FRS3: variants seen among roughly 807,000 people sequenced by gnomAD.
FRS3 encodes the protein fibroblast growth factor receptor substrate 3.
In FRS3, 17 loss-of-function variants were observed where a neutral mutation model predicts 41.9. The observed-to-expected ratio is 0.41, with a 90% CI of 0.28 to 0.61. The LOEUF (loss-of-function observed/expected upper bound fraction) is 0.61, where lower values mean the gene tolerates loss of function less well. Ranked by LOEUF, FRS3 falls within the 20% of genes least tolerant of loss-of-function variation. The probability of loss-of-function intolerance (pLI) is 0.36; values close to 1 mark genes in which losing one functional copy is unlikely to be tolerated. For synonymous variants in FRS3, 287 were observed against 274.5 expected (o/e 1.05, Z -0.45); for missense variants, 619 against 672.1 (o/e 0.92, Z 0.87).
At chr6:41,771,788 G>T in intron 6 of FRS3, 28 bp downstream of exon 6, 1 of 1,547,054 alleles carries the variant, frequency 6.5e-7, no homozygotes. Flanking sequence ...AGACCAACAG[G>T]GCAGGGGCTG....
chr6:41,771,898 G>C lies in FRS3; in HGVS notation c.482C>G (p.Pro161Arg). The C allele has an allele frequency of 6.4e-7, 1 of 1,556,556 alleles. No individual in the cohort carries two copies. Among genetic ancestry groups the C allele is most frequent in the South Asian group, 1.2e-5 (1 of 84,352 alleles). ...CAGGCTGCTTGTCGAGAGCCGCCGG[G>C]GAGCTGAGAATCGTGGGCCCTCTCC... The part of the protein sequence containing the change: ...CPGEGPRFSA[P>R]RRLSTSSLRH... Residue 161 changes from proline (P) to arginine (R), a missense_variant, in exon 6 of 7, where the codon CCC becomes CGC. Physicochemically the swap from Pro to Arg is moderately radical, Grantham distance 103. Transcript: ENST00000373018.
intron 4 of FRS3, among the ~76,000 whole-genome samples, chr6:41,774,325 A>C (rs1772368150): frequency 1.3e-5 from 2 of 151,744 alleles, no homozygotes; most frequent in Admixed American, 6.6e-5. Context: ...AGGAAAAAAA[A>C]CTCCATCCAG....
At chr6:41,771,736 C>G in intron 6 of FRS3, 80 bp downstream of exon 6, 1 of 1,432,870 alleles carries the variant, frequency 7.0e-7, no homozygotes, top group Non-Finnish European at 9.5e-7. Context: ...GTGATCCTTA[C>G]TGGGAGGAGG....
chr6:41,777,710 G>C (rs1315750043), intron 2 of FRS3: 1 of 152,068 alleles, frequency 6.6e-6, no homozygotes, highest in African/African-American at 2.4e-5. Context: ...TTCTGAAGGG[G>C]AGACCAGAGG....
At chr6:41,771,590 A>G in intron 6 of FRS3, 57 bp from the exon 7 acceptor site, 1 of 1,376,772 alleles carries the variant, frequency 7.3e-7, no homozygotes, top group Admixed American at 2.2e-5. Context: ...AAAAGAGAAC[A>G]GAAGGGACAG....
At chr6:41,776,220 A>G (rs1772406934) in intron 3 of FRS3, among the ~76,000 whole-genome samples, 1 of 152,070 alleles carries the variant, frequency 6.6e-6, no homozygotes, top group Non-Finnish European at 1.5e-5. Context: ...AACAGCAAAC[A>G]CTGATGTTGT....
chr6:41,772,155 C>T (rs1366284335), intron 5 of FRS3, among the ~76,000 whole-genome samples, 191 bp from the exon 6 acceptor site: 1 of 152,202 alleles, frequency 6.6e-6, no homozygotes, highest in Non-Finnish European at 1.5e-5. Context: ...TCAAACCCTG[C>T]CCTTTCCCTC....
rs1276655445 is a variant in FRS3 at position 41,770,968 on chromosome 6, C to T, written c.1130G>A (p.Arg377Gln). The T allele has an allele frequency of 9.9e-6, 16 of 1,612,840 alleles. No homozygotes were observed. The highest frequency in any genetic ancestry group is 5.3e-5 in the African/African-American group (4 of 74,914). The change falls in exon 7 of 7, where the codon CGG becomes CAG. Residue 377 changes from arginine (R) to glutamine (Q), a missense_variant. Arg to Gln is a conservative substitution (Grantham distance 43, BLOSUM62 1). Around this residue, in one of 3 missense-constraint regions of FRS3, gnomAD observed 487 missense variants for 478.3 expected, o/e 1.02. Transcript: ENST00000373018. ...GCTGCCGTGGCTGCGGATGGCGGCC[C>T]GGGTGCTGGTGGGCTTCTGCAGTGG... is the stretch of plus-strand genomic sequence containing the variant. ...ETPLQKPTST[R>Q]AAIRSHGSFP...
At position 41,771,208 on chromosome 6, in the gene FRS3, C is replaced by T; in HGVS notation, c.890G>A (p.Gly297Glu). Residue 297 changes from glycine to glutamate, a missense_variant, in exon 7 of 7, where the codon GGG becomes GAG. Around this residue, in one of 3 missense-constraint regions of FRS3, gnomAD observed 487 missense variants for 478.3 expected, o/e 1.02. Coordinates refer to ENST00000373018, the MANE Select transcript of FRS3 (RefSeq NM_006653.5). ...YENVTGGLWR[G>E]AGWRLSPEEP... is the part of the protein sequence containing the mutation. The stretch of plus-strand genomic sequence containing the variant: ...CTCTGGGCTCAGTCTCCAGCCAGCC[C>T]CTCGCCACAGCCCCCCGGTGACGTT... The T allele has an allele frequency of 6.4e-7, 1 of 1,564,590 alleles. No individual in the cohort carries two copies. Among genetic ancestry groups the T allele is most frequent in the Admixed American group, 1.8e-5 (1 of 56,422 alleles).
rs1188934330 is a variant in FRS3 at position 41,770,977 on chromosome 6, G to C, written c.1121C>G (p.Thr374Ser). The stretch of plus-strand genomic sequence containing the variant: ...GCTGCGGATGGCGGCCCGGGTGCTG[G>C]TGGGCTTCTGCAGTGGGGTCTCGTC... ...EEDETPLQKP[T>S]STRAAIRSHG... Residue 374 changes from threonine to serine, a missense_variant, in exon 7 of 7, where the codon ACC becomes AGC. This residue lies in a region of FRS3 where 487 missense variants were observed against 478.3 expected (regional missense o/e 1.02). Transcript: ENST00000373018. 3.7e-6 allele frequency: 6 copies of C among 1,613,062 alleles called. No individual in the cohort carries two copies. The Admixed American group carries it at 6.7e-5, about 18-fold the overall frequency.
intron 1 of FRS3, among the ~76,000 whole-genome samples, chr6:41,778,804 T>C (rs1488228741): frequency 6.6e-6 from 1 of 152,230 alleles, no homozygotes; most frequent in East Asian, 1.9e-4. Context: ...ATAGATTTTC[T>C]GCTCCCCAAG....
chr6:41,775,640 G>T, intron 3 of FRS3, 35 bp from the exon 4 acceptor site: 1 of 1,535,888 alleles, frequency 6.5e-7, no homozygotes. Flanking sequence ...CAATGAGTGA[G>T]TCCAACAAGT....
At chr6:41,777,031 A>T (rs778759448) in intron 2 of FRS3, 21 bp from the exon 3 acceptor site, 29 of 1,575,260 alleles carry the variant, frequency 1.8e-5, no homozygotes, top group Non-Finnish European at 2.4e-5. Context: ...CATACAGGAT[A>T]TGCAGGTCAC....
rs1772283835 is a variant in FRS3, at chr6:41,771,249, G to C, written c.849C>G (p.Pro283=). Residue 283 remains proline, a synonymous_variant, in exon 7 of 7, where the codon CCC becomes CCG. Coordinates refer to ENST00000373018, the MANE Select transcript of FRS3 (RefSeq NM_006653.5). ...NEAPSECPAQ[P]KCTYENVTGG... is the part of the protein sequence containing the mutation. ...CGGTGACGTTCTCGTAGGTGCACTT[G>C]GGCTGGGCTGGACACTCAGAAGGGG... is the stretch of plus-strand genomic sequence containing the variant. 2.5e-6 allele frequency: 4 copies of C among 1,601,752 alleles called. No individual in the cohort carries two copies.
rs760142051 is a variant in FRS3 at position 41,771,942 on chromosome 6, G to A, written c.438C>T (p.Ser146=). Residue 146 remains serine (S), a synonymous_variant, in exon 6 of 7, where the codon AGC becomes AGT. Transcript: ENST00000373018. ...CCTCTCCAGGGCAGCCATTGGAAAA[G>A]CTGGAGACAGTGTAGCCTAGAGCTG... ...PPNALGYTVS[S]FSNGCPGEGP... is the part of the protein sequence containing the mutation. The A allele has an allele frequency of 4.5e-6, 7 of 1,563,656 alleles. No homozygotes were observed. The highest frequency in any genetic ancestry group is 3.5e-5 in the South Asian group (3 of 84,680).
chr6:41,770,482 C>T lies in FRS3; in HGVS notation c.*137G>A. On this transcript the variant is annotated 3_prime_UTR_variant, in exon 7 of 7. Transcript: ENST00000373018. The stretch of plus-strand genomic sequence containing the variant: ...ATATCTCTGGGGACTCCAGCCAGCA[C>T]AGGGAAGCATCTGGTCCCACCTCCA... 1.3e-6 allele frequency: 1 copy of T among 760,188 alleles called. No individual in the cohort carries two copies. The highest frequency in any genetic ancestry group is 2.7e-5 in the East Asian group (1 of 37,544). 47.1% of individuals were successfully genotyped at this position (760,188 alleles called of 1,614,324 possible). A position where few individuals can be genotyped will look rare whatever the true frequency, so the allele number is the denominator to read the frequency against.
At chr6:41,777,194 TAATTCAAGTTACA>T (rs770449356) in intron 2 of FRS3, among the ~76,000 whole-genome samples, 184 bp from the exon 3 acceptor site, 38 of 152,202 alleles carry the variant, frequency 2.5e-4, no homozygotes, top group Admixed American at 9.2e-4. Flanking sequence ...GGATAAACGT[TAATTCAAGTTACA>T]ATGTGTTAAG....
intron 4 of FRS3, 106 bp from the exon 5 acceptor site, chr6:41,773,065 T>C (rs909339464): frequency 3.5e-6 from 3 of 852,140 alleles, no homozygotes; most frequent in African/African-American, 3.4e-5. Context: ...GTCCCAGGCC[T>C]GTAGGGGCAG....
chr6:41,778,435 A>G (rs1182566524), intron 1 of FRS3, among the ~76,000 whole-genome samples: 1 of 152,156 alleles, frequency 6.6e-6, no homozygotes, highest in Non-Finnish European at 1.5e-5. Context: ...GTCACTTTAG[A>G]TCTCCCTCTG....
Sources: allele counts gnomAD v4.1 joint callset (sites outside exome capture counted in the v4.1 genomes callset), GRCh38; gene constraint gnomAD v4.1.1; regional missense constraint gnomAD v4.1.1; transcripts MANE v1.5; gene names NCBI Gene and HGNC (gene_info 2026-07-23, HGNC 2026-07-21).